LMAN1: variants seen among roughly 807,000 people sequenced by gnomAD.
LMAN1 encodes lectin, mannose binding 1.
LMAN1 carries 32 observed loss-of-function variants against 67.8 expected under a neutral mutation model. The observed-to-expected ratio is 0.47, with a 90% CI of 0.36 to 0.63. The LOEUF is 0.63. LMAN1 is among the 30% of genes least tolerant of loss of function. LMAN1 has a pLI of 0.00. For missense variants in LMAN1, 632 were observed against 628.2 expected, an observed-to-expected ratio of 1.01 and a Z score of -0.06; for synonymous variants, 235 against 219.3, an observed-to-expected ratio of 1.07 and a Z score of -0.63.
rs1207763891 is a variant in LMAN1 at position 59,359,256 on chromosome 18, G to C, written c.-12C>G. The C allele has an allele frequency of 1.2e-6, 2 of 1,613,102 alleles. No homozygotes were observed. The highest frequency in any genetic ancestry group is 4.5e-5 in the East Asian group (2 of 44,846). ...CTGGATCCCGCCATCTTGGATTCTG[G>C]AACGCGGAGGAGGGCGGGAGAGGGA... On this transcript the variant is annotated 5_prime_UTR_variant, in exon 1 of 13. Coordinates refer to ENST00000251047, the MANE Select transcript of LMAN1 (RefSeq NM_005570.4).
intron 4 of LMAN1, among the ~76,000 whole-genome samples, chr18:59,353,956 T>C (rs897914803): frequency 6.6e-6 from 1 of 152,220 alleles, no homozygotes; most frequent in Admixed American, 6.5e-5. Context: ...GTTGTTACAA[T>C]GTATTTTAAA....
At chr18:59,344,363 T>C (rs1177673054) in intron 8 of LMAN1, among the ~76,000 whole-genome samples, 3 of 152,118 alleles carry the variant, frequency 2.0e-5, no homozygotes, top group African/African-American at 7.2e-5. Flanking sequence ...CAGCCCTATT[T>C]ACAATAGCAA....
At chr18:59,341,744 GCAAA>G (rs1187462095) in intron 8 of LMAN1, among the ~76,000 whole-genome samples, 1 of 151,902 alleles carries the variant, frequency 6.6e-6, no homozygotes, top group Non-Finnish European at 1.5e-5. Flanking sequence ...TGGAAAGATC[GCAAA>G]CAATCTAACA....
At chr18:59,356,086 G>A (rs1908655404) in intron 1 of LMAN1, among the ~76,000 whole-genome samples, 1 of 152,204 alleles carries the variant, frequency 6.6e-6, no homozygotes, top group African/African-American at 2.4e-5. Context: ...GTTCAGCTGT[G>A]TGACTTTGAG....
chr18:59,339,373 A>T (rs1908236264), intron 8 of LMAN1, among the ~76,000 whole-genome samples: 1 of 152,044 alleles, frequency 6.6e-6, no homozygotes, highest in Admixed American at 6.6e-5. Flanking sequence ...AAATAAGGAG[A>T]GAGTTTGAGG....
At chr18:59,332,755 G>A (rs1484905386) in intron 11 of LMAN1, among the ~76,000 whole-genome samples, 1 of 152,156 alleles carries the variant, frequency 6.6e-6, no homozygotes, top group Non-Finnish European at 1.5e-5. Context: ...GAAATTACCA[G>A]ATTAGAACCT....
At chr18:59,343,310 C>T (rs549971210) in intron 8 of LMAN1, among the ~76,000 whole-genome samples, 1 of 151,756 alleles carries the variant, frequency 6.6e-6, no homozygotes, top group Non-Finnish European at 1.5e-5. Flanking sequence ...TCCTAAAACT[C>T]ATATGGAAAA....
chr18:59,338,435 A>C (rs1241320431), intron 10 of LMAN1, 122 bp downstream of exon 10: 2 of 764,824 alleles, frequency 2.6e-6, no homozygotes, highest in African/African-American at 3.4e-5. Flanking sequence ...TGTAAAATGA[A>C]TCTAGAACGG....
rs1277620281 is a variant in LMAN1, at chr18:59,359,058, T to A, written c.187A>T (p.Thr63Ser). Residue 63 changes from threonine (T) to serine (S), a missense_variant, in exon 1 of 13, where the codon ACC (threonine) becomes TCC (serine). By Grantham distance (58) the Thr-to-Ser change is moderately conservative. Transcript: ENST00000251047. ...KGPHLVQSDGTVPFWAHAGNA... is the reference protein window; with the variant it reads ...KGPHLVQSDGSVPFWAHAGNA... ...CCCGCGTGGGCCCAGAAGGGCACGG[T>A]CCCGTCGCTCTGCACCAGGTGCGGC... is the stretch of plus-strand genomic sequence containing the variant. The A allele has an allele frequency of 1.2e-6, 2 of 1,613,984 alleles. No individual in the cohort carries two copies. The highest frequency in any genetic ancestry group is 1.7e-6 in the Non-Finnish European group (2 of 1,179,962).
rs1330154149 is a variant in LMAN1 at position 59,359,080 on chromosome 18, CG to C, written c.164del (p.Pro55ArgfsTer28). Reference sequence around the variant, plus strand: ...CGGTCCCGTCGCTCTGCACCAGGTGCGGCCCCTTGAAGCTGTATTTGTACTC... The same window carrying C: ...CGGTCCCGTCGCTCTGCACCAGGTGCGCCCCTTGAAGCTGTATTTGTACTC... Reference protein sequence around the residue: ...RFEYKYSFKGPHLVQSDGTVP... With the variant: ...RFEYKYSFKGXHLVQSDGTVP... On this transcript the variant is annotated frameshift_variant, in exon 1 of 13. Coordinates refer to ENST00000251047, the MANE Select transcript of LMAN1 (RefSeq NM_005570.4). LOFTEE classifies it high-confidence loss of function. 2 of 1,614,078 alleles carry C rather than the reference CG, an allele frequency of 1.2e-6. No homozygotes were observed. Among genetic ancestry groups the C allele is most frequent in the African/African-American group, 2.7e-5 (2 of 75,054 alleles).
chr18:59,343,124 A>G (rs1247133934), intron 8 of LMAN1, among the ~76,000 whole-genome samples: 1 of 151,920 alleles, frequency 6.6e-6, no homozygotes, highest in Admixed American at 6.6e-5. Context: ...GGAGAACTTC[A>G]AAACAACGAT....
Position 59,334,226 on chromosome 18 carries a change from T to C in LMAN1, c.1221-982A>G, listed in dbSNP as rs140337025. Among the ~76,000 whole-genome samples, 4 of 152,368 alleles carry C rather than the reference T, an allele frequency of 2.6e-5. No individual in the cohort carries two copies. In the East Asian group the frequency reaches 7.7e-4, roughly 29 times the overall value. Reference sequence around the variant, plus strand: ...TGCTTAGGTATAAATGTCTTTTTAATATACCAAAGATTGAGTCACTTAATT... The same window carrying C: ...TGCTTAGGTATAAATGTCTTTTTAACATACCAAAGATTGAGTCACTTAATT... On this transcript the variant is annotated intron_variant, in intron 10 of 12. Coordinates refer to ENST00000251047, the MANE Select transcript of LMAN1 (RefSeq NM_005570.4).
At chr18:59,353,161 A>T (rs780899754) in intron 5 of LMAN1, 41 bp downstream of exon 5, 20 of 1,498,330 alleles carry the variant, frequency 1.3e-5, no homozygotes, top group Non-Finnish European at 1.9e-5. Context: ...GTGATACTGT[A>T]ACATTGTTTA....
intron 5 of LMAN1, among the ~76,000 whole-genome samples, chr18:59,350,424 T>A (rs1908514835): frequency 6.6e-6 from 1 of 152,180 alleles, no homozygotes; most frequent in Non-Finnish European, 1.5e-5. Context: ...TTGTTCAGTA[T>A]TTTTTTCCTT....
intron 8 of LMAN1, among the ~76,000 whole-genome samples, chr18:59,344,362 T>A (rs1014465217): frequency 1.3e-5 from 2 of 152,138 alleles, no homozygotes; most frequent in African/African-American, 4.8e-5. Flanking sequence ...GCAGCCCTAT[T>A]TACAATAGCA....
Position 59,355,542 on chromosome 18 carries a change from G to A in LMAN1, c.331C>T (p.Arg111Ter), listed in dbSNP as rs1908642273. Residue 111 changes from arginine (R) to a stop codon, truncating the protein, a stop_gained, in exon 2 of 13, where the codon CGA (arginine) becomes TGA (stop). Coordinates refer to ENST00000251047, the MANE Select transcript of LMAN1 (RefSeq NM_005570.4). LOFTEE classifies it high-confidence loss of function. ...CCAATTCGACCTCTTCCAGTCACTC[G>A]AAATGTCACCTCAACTTCCCAGTTC... The part of the protein sequence containing the change: ...FENWEVEVTF[R>*]VTGRGRIGAD... 1 of 1,614,066 alleles carries A rather than the reference G, an allele frequency of 6.2e-7. No homozygotes were observed. The highest frequency in any genetic ancestry group is 8.5e-7 in the Non-Finnish European group (1 of 1,179,958).
rs1372165656 is a variant in LMAN1 at position 59,331,442 on chromosome 18, A to T, written c.1472T>A (p.Leu491Ter). The change falls in exon 12 of 13, where the codon TTA (leucine) becomes TAA (stop). Residue 491 changes from leucine to a stop codon, truncating the protein, a stop_gained. Transcript: ENST00000251047. LOFTEE classifies it high-confidence loss of function. ...CCTATACATGATATAACCAATGAAT[A>T]ATACAGTTTGCACCACAACAAATAT... ...FIIFVVVQTV[L>*]FIGYIMYRSQ... The T allele has an allele frequency of 6.2e-7, 1 of 1,609,250 alleles. No homozygotes were observed. Among genetic ancestry groups the T allele is most frequent in the African/African-American group, 1.3e-5 (1 of 74,790 alleles).
chr18:59,330,147 T>C lies in LMAN1; in HGVS notation c.*946A>G, dbSNP rs773660294. The C allele has an allele frequency of 6.6e-6, 1 of 152,610 alleles. No individual in the cohort carries two copies. Among genetic ancestry groups the C allele is most frequent in the Non-Finnish European group, 1.5e-5 (1 of 68,018 alleles). 9.5% of individuals were successfully genotyped at this position (152,610 alleles called of 1,614,324 possible). On this transcript the variant is annotated 3_prime_UTR_variant, in exon 13 of 13. Coordinates refer to ENST00000251047, the MANE Select transcript of LMAN1 (RefSeq NM_005570.4). ...ACAGCCTCCTTGATTTAAAAGAGTA[T>C]GCAAATGGTCACTAACCCCAGCCAG...
chr18:59,340,463 G>A (rs1036883236), intron 8 of LMAN1, among the ~76,000 whole-genome samples: 2 of 151,606 alleles, frequency 1.3e-5, no homozygotes, highest in Non-Finnish European at 2.9e-5. Context: ...TTACAGGCCA[G>A]AAAGGAATGG....
Sources: gnomAD v4.1 joint callset for allele counts (sites outside exome capture counted in the v4.1 genomes callset) on GRCh38, gnomAD v4.1.1 for gene constraint, MANE v1.5 for transcripts, NCBI Gene and HGNC (gene_info 2026-07-23, HGNC 2026-07-21) for gene names.